The following SEL1L3 variants were observed in gnomAD, a reference collection of about 807,000 sequenced individuals.
SEL1L3 encodes the protein protein sel-1 homolog 3.
SEL1L3 carries 76 observed loss-of-function variants against 142.8 expected under a neutral mutation model. The observed-to-expected ratio is 0.53, with a 90% confidence interval of 0.44 to 0.64. The LOEUF (loss-of-function observed/expected upper bound fraction) is 0.64. SEL1L3 is among the 30% of genes least tolerant of loss of function. The pLI is 0.00. For synonymous variants in SEL1L3, 504 were observed against 519.6 expected (o/e 0.97, Z 0.41); for missense variants, 1,262 against 1,381.7 (o/e 0.91, Z 1.37).
At position 25,790,452 on chromosome 4, in the gene SEL1L3, T is replaced by C. The variant is rs747036528; in HGVS notation, c.2076+3A>G. On this transcript the variant is annotated splice_donor_region_variant and intron_variant, in intron 12 of 23. Transcript: ENST00000399878. ...TCCCCAAGACAGTAGCCTGCGTTTT[T>C]ACCTGAGCTGCTGCATTGCCTCGGG... 19 of 1,613,670 alleles carry C rather than the reference T, an allele frequency of 1.2e-5. No individual in the cohort carries two copies. The East Asian group carries it at 2.7e-4, about 23-fold the overall frequency.
intron 2 of SEL1L3, among the ~76,000 whole-genome samples, chr4:25,842,442 G>C (rs1316986894): frequency 2.0e-5 from 3 of 152,192 alleles, no homozygotes; most frequent in African/African-American, 7.2e-5. Flanking sequence ...CTTTAGCAAA[G>C]ACATAGGGGT....
intron 19 of SEL1L3, among the ~76,000 whole-genome samples, chr4:25,765,915 A>G (rs62411788): frequency 0.041 from 6,274 of 152,296 alleles, 168 homozygotes; most frequent in Non-Finnish European, 0.063. Context: ...CTGGGATTAC[A>G]GGTGTGAGCC....
At chr4:25,838,743 T>C (rs1329939835) in intron 2 of SEL1L3, among the ~76,000 whole-genome samples, 1 of 151,878 alleles carries the variant, frequency 6.6e-6, no homozygotes, top group African/African-American at 2.4e-5. Context: ...CCCACTGGAG[T>C]TCACCGAGGC....
intron 1 of SEL1L3, among the ~76,000 whole-genome samples, chr4:25,859,298 C>T (rs952808075): frequency 1.3e-5 from 2 of 152,200 alleles, no homozygotes; most frequent in Admixed American, 1.3e-4. Context: ...TGCATCTTGG[C>T]CTTTGGTGAC....
At chr4:25,748,821 T>C (rs1229997102) in intron 23 of SEL1L3, among the ~76,000 whole-genome samples, 1 of 152,180 alleles carries the variant, frequency 6.6e-6, no homozygotes, top group African/African-American at 2.4e-5. Context: ...GGGGACATTC[T>C]AGGAAGTTTA....
chr4:25,779,820 G>A (rs1719878399), intron 15 of SEL1L3, among the ~76,000 whole-genome samples: 2 of 152,136 alleles, frequency 1.3e-5, no homozygotes, highest in African/African-American at 2.4e-5. Context: ...TTGAAAGCAT[G>A]GGTGTTGAAG....
rs1478112946 is a variant in SEL1L3, at chr4:25,776,374, G to A, written c.2586-14C>T. ...TGTTTTGCCCATCTGAAAAAAAAAA[G>A]GGAAGAGAAAATACGCAAACCATGG... On this transcript the variant is annotated splice_polypyrimidine_tract_variant and intron_variant, in intron 16 of 23. Coordinates refer to ENST00000399878, the MANE Select transcript of SEL1L3 (RefSeq NM_015187.5). 9.1e-6 allele frequency: 14 copies of A among 1,540,970 alleles called. No homozygotes were observed. Among genetic ancestry groups the A allele is most frequent in the Admixed American group, 1.7e-5 (1 of 58,494 alleles).
intron 3 of SEL1L3, among the ~76,000 whole-genome samples, 169 bp downstream of exon 3, chr4:25,835,024 ATTTG>A (rs1409213118): frequency 0.01 from 1,536 of 152,352 alleles, 16 homozygotes; most frequent in Non-Finnish European, 0.016. Context: ...TTCAAGACTC[ATTTG>A]AGGTTTTCAG....
At chr4:25,797,949 G>A (rs1218431801) in intron 11 of SEL1L3, among the ~76,000 whole-genome samples, 1 of 152,186 alleles carries the variant, frequency 6.6e-6, no homozygotes, top group Non-Finnish European at 1.5e-5. Context: ...AAGGCTTCCA[G>A]AGGGGGTGAC....
At chr4:25,777,620 G>T (rs1577587754) in intron 16 of SEL1L3, 1 of 333,656 alleles carries the variant, frequency 3.0e-6, no homozygotes, top group East Asian at 7.9e-5. Flanking sequence ...AATTTCAAAG[G>T]ATTGGAATCA....
chr4:25,746,056 C>T (rs1428317655), downstream of SEL1L3, among the ~76,000 whole-genome samples: 2 of 152,088 alleles, frequency 1.3e-5, no homozygotes, highest in African/African-American at 2.4e-5. Flanking sequence ...GAAATGTAAT[C>T]CCCCATGTTG....
chr4:25,776,397 T>C (rs1331917739), intron 16 of SEL1L3, 37 bp from the exon 17 acceptor site: 5 of 1,388,744 alleles, frequency 3.6e-6, no homozygotes, highest in South Asian at 3.6e-5. Context: ...ACGCAAACCA[T>C]GGCAAATTTA....
At chr4:25,828,391 T>G (rs898590861) in intron 6 of SEL1L3, among the ~76,000 whole-genome samples, 2 of 131,132 alleles carry the variant, frequency 1.5e-5, no homozygotes, top group Non-Finnish European at 3.1e-5. Context: ...TATCTTTTCG[T>G]TTTTTTTTTT....
chr4:25,851,706 T>C lies in SEL1L3; in HGVS notation c.163-3842A>G, dbSNP rs1220669529. Reference sequence around the variant, plus strand: ...GAGATCGAGACCATCCTGGCCAGCATGGTGAAACCCCGTCTCTTCTAAAAA... The same window carrying C: ...GAGATCGAGACCATCCTGGCCAGCACGGTGAAACCCCGTCTCTTCTAAAAA... On this transcript the variant is annotated intron_variant, in intron 1 of 23. Transcript: ENST00000399878. 4.6e-5 allele frequency among the ~76,000 whole-genome samples: 7 copies of C among 151,998 alleles called. No homozygotes were observed. In the East Asian group the frequency reaches 1.2e-3, roughly 25 times the overall value.
chr4:25,771,807 T>C (rs1719231021), intron 17 of SEL1L3, among the ~76,000 whole-genome samples: 1 of 152,214 alleles, frequency 6.6e-6, no homozygotes. Context: ...AAATGAAACA[T>C]GACAGCTGGT....
chr4:25,764,458 G>A (rs1250227686), intron 20 of SEL1L3, among the ~76,000 whole-genome samples: 2 of 152,190 alleles, frequency 1.3e-5, no homozygotes, highest in Non-Finnish European at 2.9e-5. Context: ...GCTGAATGAA[G>A]GGTATACAGA....
intron 23 of SEL1L3, among the ~76,000 whole-genome samples, chr4:25,755,711 GA>G (rs1191747250): frequency 6.6e-6 from 1 of 152,118 alleles, no homozygotes; most frequent in Non-Finnish European, 1.5e-5. Flanking sequence ...ACAGAAAAAA[GA>G]GATGACTTCT....
intron 8 of SEL1L3, among the ~76,000 whole-genome samples, chr4:25,819,039 G>T (rs747980781): frequency 1.3e-5 from 2 of 152,160 alleles, no homozygotes; most frequent in Non-Finnish European, 2.9e-5. Flanking sequence ...TACTCAATTC[G>T]CTTTTGCTGA....
At chr4:25,725,339 G>A in the SEL1L3 span, among the ~76,000 whole-genome samples, 1 of 142,852 alleles carries the variant, frequency 7.0e-6, no homozygotes, top group East Asian at 2.0e-4. Flanking sequence ...TTTTTGAGAC[G>A]GTGTCTCACT....
Sources: allele counts gnomAD v4.1 joint callset (sites outside exome capture counted in the v4.1 genomes callset), GRCh38; gene constraint gnomAD v4.1.1; transcripts MANE v1.5; gene names NCBI Gene and HGNC (gene_info 2026-07-23, HGNC 2026-07-21).